Variants in ZNF43 observed in about 807,000 individuals in gnomAD.
ZNF43 encodes zinc finger protein 39-like 1 (KOX 27).
In ZNF43, 44 loss-of-function variants were observed where a neutral mutation model predicts 68.4. The observed-to-expected ratio is 0.64, with a 90% CI of 0.51 to 0.83. The LOEUF (loss-of-function observed/expected upper bound fraction) is 0.83, where lower values mean the gene tolerates loss of function less well. Among genes scored for constraint, ZNF43 ranks in the 40% least tolerant of loss-of-function variants. The pLI, the probability that ZNF43 is intolerant of heterozygous loss-of-function variation, is 0.00. For synonymous variants in ZNF43, 308 were observed against 307.8 expected, an observed-to-expected ratio of 1.00 and a Z score of -0.01; for missense variants, 896 against 933.2, an observed-to-expected ratio of 0.96 and a Z score of 0.52.
Position 21,809,165 on chromosome 19 carries a change from C to A in ZNF43, c.872G>T (p.Cys291Phe), listed in dbSNP as rs936607404. ...TGEKFYKCKE[C>F]AKAFNQSSNL... is the part of the protein sequence containing the mutation. ...TGAGGATTGGTTAAAAGCTTTGGCA[C>A]ATTCTTTACATTTGTAGAATTTCTC... The change falls in exon 4 of 4, where the codon TGT becomes TTT. Residue 291 changes from cysteine to phenylalanine, a missense_variant. Cys to Phe is a radical substitution (Grantham distance 205). Coordinates refer to ENST00000354959, the MANE Select transcript of ZNF43 (RefSeq NM_003423.4). 3.1e-6 allele frequency: 5 copies of A among 1,613,390 alleles called. No homozygotes were observed. The highest frequency in any genetic ancestry group is 4.2e-6 in the Non-Finnish European group (5 of 1,179,760).
At chr19:21,823,571 C>CTT (rs10605024) in intron 1 of ZNF43, among the ~76,000 whole-genome samples, 94 of 83,468 alleles carry the variant, frequency 1.1e-3, no homozygotes, top group East Asian at 1.8e-3. Context: ...AGAATCAGGC[C>CTT]TTTTTTTTTT....
intron 1 of ZNF43, chr19:21,841,259 C>G (rs903008702): frequency 6.6e-6 from 1 of 152,208 alleles, no homozygotes; most frequent in Non-Finnish European, 1.5e-5. Context: ...GTGTATGTCA[C>G]AATCTAACCT....
intron 1 of ZNF43, among the ~76,000 whole-genome samples, chr19:21,820,830 ATTTTT>A (rs750258211): frequency 5.4e-5 from 7 of 128,786 alleles, no homozygotes; most frequent in Non-Finnish European, 1.6e-5. Flanking sequence ...ATGTTCTGTA[ATTTTT>A]TTTTTTTTTT....
At chr19:21,836,312 T>A (rs1185232423), upstream of ZNF43, 23 of 1,173,942 alleles carry the variant, frequency 2.0e-5, no homozygotes, top group Non-Finnish European at 2.4e-5. Context: ...GAATGAAAGA[T>A]GTGATCAGAC....
intron 1 of ZNF43, among the ~76,000 whole-genome samples, chr19:21,825,070 T>C (rs1247995007): frequency 6.6e-6 from 1 of 152,098 alleles, no homozygotes; most frequent in Non-Finnish European, 1.5e-5. Flanking sequence ...ACCCTGTTTC[T>C]ACTAATACAA....
chr19:21,824,748 A>G (rs562072550), intron 1 of ZNF43, among the ~76,000 whole-genome samples: 23 of 151,826 alleles, frequency 1.5e-4, no homozygotes, highest in African/African-American at 2.7e-4. Context: ...AAAAAAAAAA[A>G]AAAGAAAAAA....
At chr19:21,825,427 T>C (rs7252609) in intron 1 of ZNF43, among the ~76,000 whole-genome samples, 2 of 152,182 alleles carry the variant, frequency 1.3e-5, no homozygotes, top group Non-Finnish European at 2.9e-5. Context: ...GATAAATACA[T>C]AGTTCAAAGG....
chr19:21,839,331 CAAAAAAAAAAAAAA>C (rs61335194), upstream of ZNF43, among the ~76,000 whole-genome samples: 17 of 28,298 alleles, frequency 6.0e-4, no homozygotes, highest in Admixed American at 7.3e-3. Flanking sequence ...AGAGATCAGG[CAAAAAAAAAAAAAA>C]AAAAAAAAAA....
chr19:21,852,023 G>A, exon 1 of ZNF43: 21 of 1,426,174 alleles, frequency 1.5e-5, no homozygotes, highest in Non-Finnish European at 2.0e-5. Context: ...GGAGAACGCG[G>A]AAAAGCAGAG....
At position 21,807,638 on chromosome 19, in the gene ZNF43, G is replaced by C. The variant is rs1316453153; in HGVS notation, c.2399C>G (p.Thr800Arg). 6.4e-7 allele frequency: 1 copy of C among 1,560,458 alleles called. No individual in the cohort carries two copies. The highest frequency in any genetic ancestry group is 1.4e-5 in the African/African-American group (1 of 72,652). ...YKPEDVTVIL[T>R]TPQTFSNIK ...TATGTTTGAAAAAGTTTGAGGTGTT[G>C]TCAAAATCACTGTCACATCTTCAGG... The change falls in exon 4 of 4, where the codon ACA becomes AGA. Residue 800 changes from threonine to arginine, a missense_variant. Coordinates refer to ENST00000354959, the MANE Select transcript of ZNF43 (RefSeq NM_003423.4).
intron 3 of ZNF43, among the ~76,000 whole-genome samples, chr19:21,815,470 C>A: frequency 8.2e-6 from 1 of 122,366 alleles, no homozygotes; most frequent in Non-Finnish European, 1.6e-5. Context: ...CAAAGAATAG[C>A]CTTACAACTA....
intron 1 of ZNF43, among the ~76,000 whole-genome samples, chr19:21,821,515 T>C (rs540327481): frequency 6.6e-6 from 1 of 152,282 alleles, no homozygotes; most frequent in African/African-American, 2.4e-5. Context: ...CTATTCTGCA[T>C]AGAGCTAATA....
At chr19:21,845,120 G>A (rs1175700899) in intron 1 of ZNF43, among the ~76,000 whole-genome samples, 1 of 151,148 alleles carries the variant, frequency 6.6e-6, no homozygotes, top group Non-Finnish European at 1.5e-5. Flanking sequence ...TGTAAGATGG[G>A]CACGGGCAGC....
At chr19:21,813,041 G>A (rs150252840) in intron 3 of ZNF43, among the ~76,000 whole-genome samples, 155 of 151,624 alleles carry the variant, frequency 1.0e-3, no homozygotes, top group African/African-American at 3.5e-3. Flanking sequence ...TCATAAGTTC[G>A]AGACCAGCCT....
chr19:21,842,880 G>A (rs750029043), intron 1 of ZNF43, among the ~76,000 whole-genome samples: 8 of 152,076 alleles, frequency 5.3e-5, no homozygotes, highest in Admixed American at 2.0e-4. Context: ...CTAGTGATAC[G>A]TCACCCCCTC....
At position 21,808,688 on chromosome 19, in the gene ZNF43, C is replaced by G. The variant is rs776393899; in HGVS notation, c.1349G>C (p.Gly450Ala). ...TACTTCACATTTGTAGGGTTTCTCT[C>G]CAGTATGAATTCTGTTATGTTTAGT... ...TLTKHNRIHT[G>A]EKPYKCEVCG... is the part of the protein sequence containing the mutation. The change falls in exon 4 of 4, where the codon GGA (glycine) becomes GCA (alanine). Residue 450 changes from glycine (G) to alanine (A), a missense_variant. Transcript: ENST00000354959. The G allele has an allele frequency of 1.9e-6, 3 of 1,612,030 alleles. No individual in the cohort carries two copies. Among genetic ancestry groups the G allele is most frequent in the East Asian group, 4.5e-5 (2 of 44,744 alleles).
At chr19:21,850,492 G>T (rs369769360) in intron 1 of ZNF43, among the ~76,000 whole-genome samples, 2 of 151,736 alleles carry the variant, frequency 1.3e-5, no homozygotes, top group African/African-American at 4.8e-5. Context: ...CCTGGGAAGC[G>T]GAAGTTGCAG....
chr19:21,821,904 T>C (rs751167977), intron 1 of ZNF43, among the ~76,000 whole-genome samples: 1 of 152,040 alleles, frequency 6.6e-6, no homozygotes, highest in Non-Finnish European at 1.5e-5. Flanking sequence ...ATCTGAGACA[T>C]GTTTAGCTGA....
rs770119446 is a variant in ZNF43, at chr19:21,836,109, G to C, written c.-71C>G. The stretch of plus-strand genomic sequence containing the variant: ...AATACCCGCAGGTCACAGAGCCACA[G>C]AGGCTGGACCTCTAGCAGCAGAGGA... On this transcript the variant is annotated 5_prime_UTR_variant, in exon 1 of 4. Transcript: ENST00000354959. 2.7e-5 allele frequency: 43 copies of C among 1,611,438 alleles called. No individual in the cohort carries two copies. The highest frequency in any genetic ancestry group is 3.6e-5 in the Non-Finnish European group (43 of 1,178,258).
Sources: allele counts gnomAD v4.1 joint callset (sites outside exome capture counted in the v4.1 genomes callset), GRCh38; gene constraint gnomAD v4.1.1; transcripts MANE v1.5; gene names NCBI Gene and HGNC (gene_info 2026-07-23, HGNC 2026-07-21).